The following DCTD variants were observed in gnomAD, a reference collection of about 807,000 sequenced individuals.
DCTD encodes the protein deoxycytidylate deaminase.
DCTD carries 23 observed loss-of-function variants against 21.0 expected under a neutral mutation model. The observed-to-expected ratio is 1.09, with a 90% CI of 0.79 to 1.55. DCTD has a LOEUF of 1.55. Ranked by LOEUF, DCTD falls within the 40% of genes most tolerant of loss-of-function variation. The probability of loss-of-function intolerance (pLI) is 0.00; values close to 1 mark genes in which losing one functional copy is unlikely to be tolerated. For missense variants in DCTD, 224 were observed against 230.0 expected, an observed-to-expected ratio of 0.97 and a Z score of 0.17; for synonymous variants, 71 against 81.1, an observed-to-expected ratio of 0.88 and a Z score of 0.67.
rs2152854348 is a variant in DCTD, at chr4:182,893,279, T to A, written c.362-152A>T. On this transcript the variant is annotated intron_variant, in intron 4 of 5. Coordinates refer to ENST00000438320, the MANE Select transcript of DCTD (RefSeq NM_001921.3). The stretch of plus-strand genomic sequence containing the variant: ...GTGTCCAGTCACTGAAATACATATC[T>A]GCTGCTTTCTAATACAGCAGAGGGT... 1.3e-5 allele frequency: 9 copies of A among 695,034 alleles called. No homozygotes were observed. The South Asian group carries it at 1.4e-4, about 11-fold the overall frequency. 43.1% of individuals were successfully genotyped at this position (695,034 alleles called of 1,614,324 possible).
intron 3 of DCTD, among the ~76,000 whole-genome samples, chr4:182,903,725 A>C (rs1469758124): frequency 2.6e-5 from 4 of 151,976 alleles, no homozygotes; most frequent in Non-Finnish European, 5.9e-5. Flanking sequence ...AGCTGAGGCA[A>C]GAACTTCCGT....
intron 3 of DCTD, 86 bp downstream of exon 3, chr4:182,914,837 G>A: frequency 2.7e-6 from 4 of 1,458,664 alleles, no homozygotes; most frequent in Non-Finnish European, 3.8e-6. Context: ...TGACAAAAGG[G>A]AGATGATGCC....
At chr4:182,904,215 A>G (rs1319339043) in intron 3 of DCTD, among the ~76,000 whole-genome samples, 1 of 152,132 alleles carries the variant, frequency 6.6e-6, no homozygotes, top group Non-Finnish European at 1.5e-5. Context: ...TAAGGCCATT[A>G]TTGGTAATAA....
At chr4:182,915,390 C>CT in intron 2 of DCTD, 71 bp downstream of exon 2, 1 of 1,049,506 alleles carries the variant, frequency 9.5e-7, no homozygotes, top group Non-Finnish European at 1.5e-6. Flanking sequence ...ACTGAGTCTC[C>CT]CCTTTCTGCT....
rs1367912635 is a variant in DCTD at position 182,917,013 on chromosome 4, G to T, written c.-8+298C>A. The stretch of plus-strand genomic sequence containing the variant: ...CAACCCACACACGGGCGCAGGAAGG[G>T]ATGTGGTGTTCAGACGCCCAGCACC... On this transcript the variant is annotated intron_variant, in intron 1 of 5. Transcript: ENST00000438320. The surrounding 1 kb of genome is among the most constrained non-coding windows in gnomAD (Gnocchi z 4.9). The T allele has an allele frequency of 8.1e-6, 8 of 989,704 alleles. No individual in the cohort carries two copies. Among genetic ancestry groups the T allele is most frequent in the Non-Finnish European group, 9.6e-6 (8 of 832,688 alleles). The allele number at this position is 989,704 out of a possible 1,614,324, so 61.3% of individuals were successfully genotyped here. A position where few individuals can be genotyped will look rare whatever the true frequency, so the allele number is the denominator to read the frequency against.
rs1370835018 is a variant in DCTD, at chr4:182,894,493, C to G, written c.357G>C (p.Gln119His). 6.2e-7 allele frequency: 1 copy of G among 1,603,734 alleles called. No homozygotes were observed. Among genetic ancestry groups the G allele is most frequent in the Middle Eastern group, 1.7e-4 (1 of 6,050 alleles). ...ATGGAAAGACCCGGTTCCTACCTGC[C>G]TGGATGATGAGCTTAGCGCATTCAT... ...PCNECAKLIIQAGIKEVIFMS... is the reference protein window; with the variant it reads ...PCNECAKLIIHAGIKEVIFMS... The change falls in exon 4 of 6, where the codon CAG (glutamine) becomes CAC (histidine). Residue 119 changes from glutamine to histidine, a missense_variant. Gln to His is a conservative substitution (Grantham distance 24). Transcript: ENST00000438320.
At chr4:182,903,661 G>A (rs7688644) in intron 3 of DCTD, among the ~76,000 whole-genome samples, 22,184 of 151,928 alleles carry the variant, frequency 0.15, 3,518 homozygotes, top group African/African-American at 0.4. Context: ...GGCTCTGAGG[G>A]AAGCCTCCAC....
At chr4:182,892,986 G>A (rs781282945) in intron 5 of DCTD, 45 bp downstream of exon 5, 15 of 1,166,556 alleles carry the variant, frequency 1.3e-5, no homozygotes, top group Non-Finnish European at 1.9e-5. Context: ...CTCTTCATCA[G>A]CCTTCACCCT....
intron 1 of DCTD, chr4:182,916,433 G>GAGAA: frequency 1.0e-6 from 1 of 985,648 alleles, no homozygotes; most frequent in Non-Finnish European, 1.2e-6. Flanking sequence ...GAGAAATCTT[G>GAGAA]AGAAAGGCGA....
Position 182,894,526 on chromosome 4 carries a change from G to A in DCTD, c.324C>T (p.Phe108=). 3 of 1,613,910 alleles carry A rather than the reference G, an allele frequency of 1.9e-6. No homozygotes were observed. Among genetic ancestry groups the A allele is most frequent in the African/African-American group, 2.7e-5 (2 of 75,032 alleles). Residue 108 remains phenylalanine (F), a synonymous_variant, in exon 4 of 6, where the codon TTC becomes TTT. Coordinates refer to ENST00000438320, the MANE Select transcript of DCTD (RefSeq NM_001921.3). Reference sequence around the variant, plus strand: ...TGAGCTTAGCGCATTCATTACAAGGGAACAAGGCAACATACATACTACAGC... The same window carrying A: ...TGAGCTTAGCGCATTCATTACAAGGAAACAAGGCAACATACATACTACAGC... ...VKGCSMYVAL[F]PCNECAKLII... is the part of the protein sequence containing the mutation.
At chr4:182,900,563 G>A (rs1386168493) in intron 3 of DCTD, among the ~76,000 whole-genome samples, 3 of 151,656 alleles carry the variant, frequency 2.0e-5, no homozygotes, top group Non-Finnish European at 2.9e-5. Context: ...CAAAGATACA[G>A]TGTCTAGGAA....
chr4:182,893,823 T>C (rs1327622430), intron 4 of DCTD, among the ~76,000 whole-genome samples: 1 of 152,270 alleles, frequency 6.6e-6, no homozygotes, highest in East Asian at 1.9e-4. Context: ...AGGCCGCTTC[T>C]GCTCTGAGAT....
intron 3 of DCTD, among the ~76,000 whole-genome samples, chr4:182,900,292 G>A (rs965715173): frequency 6.6e-6 from 1 of 151,924 alleles, no homozygotes; most frequent in African/African-American, 2.4e-5. Flanking sequence ...CTCCAGTCTG[G>A]GCAACAGAGC....
chr4:182,896,148 T>C (rs751412627), intron 3 of DCTD, among the ~76,000 whole-genome samples: 1 of 152,202 alleles, frequency 6.6e-6, no homozygotes. Flanking sequence ...CCTAAACTTA[T>C]GGCGCTCATA....
Position 182,893,115 on chromosome 4 carries a change from A to C in DCTD, c.374T>G (p.Val125Gly). 2 of 1,604,790 alleles carry C rather than the reference A, an allele frequency of 1.2e-6. No homozygotes were observed. Among genetic ancestry groups the C allele is most frequent in the Non-Finnish European group, 1.7e-6 (2 of 1,172,968 alleles). The change falls in exon 5 of 6, where the codon GTG becomes GGG. Residue 125 changes from valine to glycine, a missense_variant. Coordinates refer to ENST00000438320, the MANE Select transcript of DCTD (RefSeq NM_001921.3). Reference sequence around the variant, plus strand: ...ATGGTATTTATCAGACATGAAAATCACTTCTTTTATACCTGTAAGGTAACA... The same window carrying C: ...ATGGTATTTATCAGACATGAAAATCCCTTCTTTTATACCTGTAAGGTAACA... ...KLIIQAGIKE[V>G]IFMSDKYHDS...
chr4:182,897,830 C>T (rs575445284), intron 3 of DCTD, among the ~76,000 whole-genome samples: 1 of 152,178 alleles, frequency 6.6e-6, no homozygotes, highest in Non-Finnish European at 1.5e-5. Context: ...AGCCCTGCCC[C>T]CTTCGTAACT....
At chr4:182,897,459 C>T (rs958966759) in intron 3 of DCTD, among the ~76,000 whole-genome samples, 7 of 150,502 alleles carry the variant, frequency 4.7e-5, no homozygotes, top group Non-Finnish European at 8.9e-5. Context: ...CCATGAATAA[C>T]TGGAATCTGC....
chr4:182,915,124 G>A (rs1738485073), intron 2 of DCTD, 66 bp from the exon 3 acceptor site: 1 of 1,602,200 alleles, frequency 6.2e-7, no homozygotes, highest in Non-Finnish European at 8.5e-7. Context: ...TGGAAGCAGG[G>A]AATAAAACCA....
chr4:182,892,614 C>T (rs377586407), intron 5 of DCTD, among the ~76,000 whole-genome samples: 2 of 129,152 alleles, frequency 1.5e-5, no homozygotes, highest in South Asian at 3.0e-4. Flanking sequence ...GGTGACAGAG[C>T]GAGACTCCGT....
Sources: gnomAD v4.1 joint callset for allele counts (sites outside exome capture counted in the v4.1 genomes callset) on GRCh38, gnomAD v4.1.1 for gene constraint, Gnocchi (gnomAD v3.1) non-coding constraint, MANE v1.5 for transcripts, NCBI Gene and HGNC (gene_info 2026-07-23, HGNC 2026-07-21) for gene names.